Variants in SHROOM4 observed in about 807,000 individuals in gnomAD.
The protein encoded by SHROOM4 is shroom family member 4.
SHROOM4 carries 17 observed loss-of-function variants against 80.3 expected under a neutral mutation model. The ratio of observed to expected loss-of-function variants is 0.21; its 90% confidence interval spans 0.14 to 0.32. The LOEUF (loss-of-function observed/expected upper bound fraction) is 0.32, where lower values mean the gene tolerates loss of function less well. SHROOM4 is among the 10% of genes least tolerant of loss of function. SHROOM4 has a pLI of 1.00. For missense variants in SHROOM4, 993 were observed against 1,140.3 expected, an observed-to-expected ratio of 0.87 and a Z score of 1.86; for synonymous variants, 400 against 437.5, an observed-to-expected ratio of 0.91 and a Z score of 1.07.
At chrX:50,782,892 A>T in intron 1 of SHROOM4, among the ~76,000 whole-genome samples, 1 of 111,909 alleles carries the variant, frequency 8.9e-6, no homozygotes, top group Non-Finnish European at 1.9e-5. Flanking sequence ...CAACAGGAAT[A>T]AAATTTCAGT....
At chrX:50,765,578 T>C (rs1348169196) in intron 1 of SHROOM4, among the ~76,000 whole-genome samples, 1 of 111,907 alleles carries the variant, frequency 8.9e-6, no homozygotes, top group Non-Finnish European at 1.9e-5. Flanking sequence ...GCAGGTACAA[T>C]ATATGAAAGA....
At chrX:50,774,879 C>T (rs1235585983) in intron 1 of SHROOM4, among the ~76,000 whole-genome samples, 3 of 111,542 alleles carry the variant, frequency 2.7e-5, no homozygotes, top group Non-Finnish European at 5.6e-5. Context: ...GCACTGGATT[C>T]TACATGCAAA....
chrX:50,775,311 T>C (rs1935481126), intron 1 of SHROOM4, among the ~76,000 whole-genome samples: 1 of 111,669 alleles, frequency 9.0e-6, no homozygotes, highest in African/African-American at 3.3e-5. Flanking sequence ...CTCTTTCCAC[T>C]ACAGCTCATA....
At chrX:50,730,782 G>A (rs5961148) in intron 1 of SHROOM4, among the ~76,000 whole-genome samples, 44 of 96,642 alleles carry the variant, frequency 4.6e-4, no homozygotes, top group Non-Finnish European at 4.3e-4. Flanking sequence ...CTCAGAAAAA[G>A]AAAAAAAAAA....
intron 1 of SHROOM4, among the ~76,000 whole-genome samples, chrX:50,759,518 C>A (rs1309876463): frequency 8.9e-6 from 1 of 111,966 alleles, no homozygotes; most frequent in East Asian, 2.8e-4. Flanking sequence ...TTGGTCTCAT[C>A]GATTTTCTAT....
At chrX:50,577,681 A>G in the SHROOM4 span, among the ~76,000 whole-genome samples, 14 of 112,110 alleles carry the variant, frequency 1.2e-4, no homozygotes, top group Admixed American at 3.8e-4. Flanking sequence ...GCCTACCTAC[A>G]TTATCTACCC....
intron 2 of SHROOM4, among the ~76,000 whole-genome samples, chrX:50,653,231 T>C (rs1313667771): frequency 2.7e-5 from 3 of 111,788 alleles, no homozygotes; most frequent in African/African-American, 9.8e-5. Flanking sequence ...GTTTGTGTCC[T>C]CTCTTATTTC....
intron 1 of SHROOM4, among the ~76,000 whole-genome samples, chrX:50,765,563 AG>A (rs1433213079): frequency 7.1e-5 from 8 of 112,097 alleles, no homozygotes; most frequent in Non-Finnish European, 1.5e-4. Flanking sequence ...ATTGCTAAAA[AG>A]GAAGCAGGTA....
At chrX:50,783,349 T>C (rs1935668376) in intron 1 of SHROOM4, among the ~76,000 whole-genome samples, 1 of 111,585 alleles carries the variant, frequency 9.0e-6, no homozygotes, top group South Asian at 3.7e-4. Context: ...TGAAAGTACT[T>C]AGAGATAAAT....
At chrX:50,680,383 G>C (rs1163796203) in intron 2 of SHROOM4, among the ~76,000 whole-genome samples, 1 of 111,872 alleles carries the variant, frequency 8.9e-6, no homozygotes, top group African/African-American at 3.2e-5. Flanking sequence ...TTTTTACCTT[G>C]AAATAATTTA....
At chrX:50,772,790 A>G (rs1161376323) in intron 1 of SHROOM4, among the ~76,000 whole-genome samples, 1 of 111,663 alleles carries the variant, frequency 9.0e-6, no homozygotes, top group Non-Finnish European at 1.9e-5. Flanking sequence ...CCATCCATCC[A>G]TTCCTTCATT....
chrX:50,671,156 C>T (rs968630281), intron 2 of SHROOM4, among the ~76,000 whole-genome samples: 1 of 111,679 alleles, frequency 9.0e-6, no homozygotes, highest in Non-Finnish European at 1.9e-5. Context: ...TATTCAGTAA[C>T]CCTGCTGTAA....
chrX:50,665,384 C>T (rs1027517303), intron 2 of SHROOM4, among the ~76,000 whole-genome samples: 5 of 111,000 alleles, frequency 4.5e-5, no homozygotes, highest in Non-Finnish European at 9.4e-5. Context: ...TTTCTCTGGG[C>T]TTTACTGGGG....
chrX:50,755,574 T>C (rs1380589593), intron 1 of SHROOM4, among the ~76,000 whole-genome samples: 1 of 112,205 alleles, frequency 8.9e-6, no homozygotes, highest in Non-Finnish European at 1.9e-5. Flanking sequence ...AAGTTCACAG[T>C]AGGTGCTCAG....
intron 7 of SHROOM4, among the ~76,000 whole-genome samples, chrX:50,601,691 G>A (rs948966141): frequency 1.8e-5 from 2 of 111,855 alleles, no homozygotes; most frequent in Non-Finnish European, 3.8e-5. Context: ...GCTTTGGAAC[G>A]ACAACAACAT....
At chrX:50,794,325 G>A (rs781885589) in intron 1 of SHROOM4, among the ~76,000 whole-genome samples, 1 of 110,910 alleles carries the variant, frequency 9.0e-6, no homozygotes, top group African/African-American at 3.3e-5. Flanking sequence ...TGTGTTACCC[G>A]CTGAATTAGC....
At chrX:50,756,367 C>A (rs1181145545) in intron 1 of SHROOM4, among the ~76,000 whole-genome samples, 1 of 112,137 alleles carries the variant, frequency 8.9e-6, no homozygotes, top group East Asian at 2.8e-4. Flanking sequence ...TATGATTATA[C>A]CACATATTAT....
At chrX:50,709,778 C>A (rs1470407167) in intron 1 of SHROOM4, among the ~76,000 whole-genome samples, 1 of 111,988 alleles carries the variant, frequency 8.9e-6, no homozygotes, top group Non-Finnish European at 1.9e-5. Flanking sequence ...TTTATACATT[C>A]ATTCATTCAG....
chrX:50,778,055 C>T (rs1021481616), intron 1 of SHROOM4, among the ~76,000 whole-genome samples: 7 of 111,642 alleles, frequency 6.3e-5, no homozygotes, highest in African/African-American at 2.3e-4. Context: ...TTTACCCTCC[C>T]ATTGCCTGAA....
Sources: allele counts gnomAD v4.1 joint callset (sites outside exome capture counted in the v4.1 genomes callset), GRCh38; gene constraint gnomAD v4.1.1; transcripts MANE v1.5; gene names NCBI Gene and HGNC (gene_info 2026-07-23, HGNC 2026-07-21).